PCNX2: variants seen among roughly 807,000 people sequenced by gnomAD.
The protein encoded by PCNX2 is pecanex-like protein 2.
In PCNX2, 168 loss-of-function variants were observed where a neutral mutation model predicts 223.8. The observed-to-expected ratio is 0.75, with a 90% CI of 0.66 to 0.85. The LOEUF (loss-of-function observed/expected upper bound fraction) is 0.85. Ranked by LOEUF, PCNX2 falls within the 40% of genes least tolerant of loss-of-function variation. The probability of loss-of-function intolerance (pLI) is 0.00; values close to 1 mark genes in which losing one functional copy is unlikely to be tolerated. For synonymous variants in PCNX2, 1,006 were observed against 1,052.6 expected (o/e 0.96, Z 0.86); for missense variants, 2,507 against 2,675.5 (o/e 0.94, Z 1.39).
intron 1 of PCNX2, among the ~76,000 whole-genome samples, chr1:233,283,637 T>TA: frequency 6.6e-6 from 1 of 152,040 alleles, no homozygotes; most frequent in South Asian, 2.1e-4. Flanking sequence ...CCCATTGAAT[T>TA]AAAAAATGAA....
At chr1:233,234,011 G>A (rs1658233752) in intron 9 of PCNX2, among the ~76,000 whole-genome samples, 1 of 152,076 alleles carries the variant, frequency 6.6e-6, no homozygotes, top group Non-Finnish European at 1.5e-5. Context: ...TTCCTGGCCT[G>A]GAGCTTTTCC....
intron 15 of PCNX2, among the ~76,000 whole-genome samples, chr1:233,186,681 A>G (rs1360756873): frequency 6.6e-6 from 1 of 152,220 alleles, no homozygotes; most frequent in East Asian, 1.9e-4. Context: ...GGCAAGTCAG[A>G]CTTCACTATC....
intron 7 of PCNX2, 108 bp from the exon 8 acceptor site, chr1:233,250,940 TAA>T: frequency 1.7e-6 from 2 of 1,200,884 alleles, no homozygotes; most frequent in Non-Finnish European, 2.3e-6. Flanking sequence ...TGGTCTGTTA[TAA>T]TAACTGTTGA....
chr1:233,287,023 C>A (rs1661486921), intron 1 of PCNX2, among the ~76,000 whole-genome samples: 1 of 152,218 alleles, frequency 6.6e-6, no homozygotes, highest in South Asian at 2.1e-4. Flanking sequence ...GATGTGAAGT[C>A]ATGGGCGTTA....
intron 1 of PCNX2, among the ~76,000 whole-genome samples, chr1:233,286,300 G>A (rs1171122112): frequency 6.6e-6 from 1 of 151,844 alleles, no homozygotes; most frequent in African/African-American, 2.4e-5. Flanking sequence ...CCTAATATGA[G>A]TCCCCTACCA....
At chr1:233,221,255 TA>T (rs1657361731) in intron 10 of PCNX2, among the ~76,000 whole-genome samples, 4 of 152,152 alleles carry the variant, frequency 2.6e-5, no homozygotes, top group Admixed American at 1.3e-4. Context: ...GGGTATCTTT[TA>T]TTTTCCACTG....
chr1:233,281,784 T>G (rs1225451501), intron 1 of PCNX2, among the ~76,000 whole-genome samples: 1 of 152,226 alleles, frequency 6.6e-6, no homozygotes. Context: ...GAAATGGGTC[T>G]GACCACAGTC....
At chr1:233,002,116 T>C (rs1389815383) in intron 28 of PCNX2, among the ~76,000 whole-genome samples, 1 of 152,198 alleles carries the variant, frequency 6.6e-6, no homozygotes, top group Admixed American at 6.5e-5. Context: ...CATTTCTATG[T>C]ATCATTCTGG....
At chr1:233,106,090 C>T (rs151270708) in intron 21 of PCNX2, among the ~76,000 whole-genome samples, 233 of 152,230 alleles carry the variant, frequency 1.5e-3, no homozygotes, top group South Asian at 2.3e-3. Flanking sequence ...CAGTGACTGA[C>T]GAGGGAGAGA....
At chr1:233,064,833 C>T (rs1394330021) in intron 23 of PCNX2, among the ~76,000 whole-genome samples, 1 of 152,022 alleles carries the variant, frequency 6.6e-6, no homozygotes, top group Non-Finnish European at 1.5e-5. Flanking sequence ...AACTTCTAAA[C>T]CAGATTTTCA....
At chr1:233,128,984 C>A (rs1488727937) in intron 21 of PCNX2, among the ~76,000 whole-genome samples, 3 of 152,234 alleles carry the variant, frequency 2.0e-5, no homozygotes, top group African/African-American at 7.2e-5. Flanking sequence ...CCCTCGCTCA[C>A]TCTTGGCGCC....
Position 232,993,425 on chromosome 1 carries a change from C to A in PCNX2, c.5791+4826G>T, listed in dbSNP as rs189266386. Among the ~76,000 whole-genome samples the A allele has an allele frequency of 1.2e-3, 186 of 152,310 alleles. 1 individual carries two copies. Among genetic ancestry groups the A allele is most frequent in the African/African-American group, 4.3e-3 (177 of 41,560 alleles). ...AGAAATGTCTAAGCAGCAAAGCATT[C>A]ACAAGGTGACCTGGCTTATTCTGAA... On this transcript the variant is annotated intron_variant, in intron 32 of 33. Coordinates refer to ENST00000258229, the MANE Select transcript of PCNX2 (RefSeq NM_014801.4).
intron 26 of PCNX2, among the ~76,000 whole-genome samples, chr1:233,020,168 C>T (rs1449299085): frequency 6.6e-6 from 1 of 152,246 alleles, no homozygotes; most frequent in Non-Finnish European, 1.5e-5. Flanking sequence ...ACACTTCCTC[C>T]TCTCCGTCTG....
chr1:233,089,841 T>G, intron 23 of PCNX2: 1 of 1,288,986 alleles, frequency 7.8e-7, no homozygotes. Flanking sequence ...CCTGGACTAG[T>G]ATTCGTTGGC....
intron 26 of PCNX2, among the ~76,000 whole-genome samples, chr1:233,018,434 C>T (rs1670760847): frequency 6.6e-6 from 1 of 152,182 alleles, no homozygotes; most frequent in Non-Finnish European, 1.5e-5. Context: ...TCACAAGTAA[C>T]CCATGTTTCC....
At chr1:233,113,019 G>T (rs750165215) in intron 21 of PCNX2, 2 of 1,287,890 alleles carry the variant, frequency 1.6e-6, no homozygotes, top group Non-Finnish European at 2.0e-6. Context: ...ATCTTTAAGG[G>T]ATGTGTAGGT....
At chr1:233,144,014 C>G (rs116746381) in intron 19 of PCNX2, among the ~76,000 whole-genome samples, 1 of 151,976 alleles carries the variant, frequency 6.6e-6, no homozygotes, top group Non-Finnish European at 1.5e-5. Flanking sequence ...GACCCTGTCT[C>G]TACAAAAAGT....
chr1:233,245,801 A>C (rs1360098481), intron 8 of PCNX2, among the ~76,000 whole-genome samples: 2 of 152,120 alleles, frequency 1.3e-5, no homozygotes, highest in African/African-American at 4.8e-5. Context: ...CTGTAATCCC[A>C]GCTATTCAGG....
At chr1:233,209,076 G>A (rs1337357822) in intron 12 of PCNX2, among the ~76,000 whole-genome samples, 1 of 152,084 alleles carries the variant, frequency 6.6e-6, no homozygotes, top group African/African-American at 2.4e-5. Context: ...ACCACTGTTT[G>A]CTCTACACTT....
Sources: gnomAD v4.1 joint callset for allele counts (sites outside exome capture counted in the v4.1 genomes callset) on GRCh38, gnomAD v4.1.1 for gene constraint, MANE v1.5 for transcripts, NCBI Gene and HGNC (gene_info 2026-07-23, HGNC 2026-07-21) for gene names.